Variants in DNAH5 observed in about 807,000 individuals in gnomAD.
The protein encoded by DNAH5 is dynein axonemal heavy chain 5.
Under a neutral mutation model 518.2 loss-of-function variants are expected in DNAH5, and 372 were observed. The ratio of observed to expected loss-of-function variants is 0.72; its 90% CI spans 0.66 to 0.78. The LOEUF is 0.78. DNAH5 is among the 30% of genes least tolerant of loss of function. DNAH5 has a pLI of 0.00. For synonymous variants in DNAH5, 2,039 were observed against 2,025.9 expected (o/e 1.01, Z -0.17); for missense variants, 5,523 against 5,687.0 (o/e 0.97, Z 0.93).
intron 78 of DNAH5, among the ~76,000 whole-genome samples, chr5:13,696,220 G>A (rs746684618): frequency 2.6e-5 from 4 of 152,148 alleles, no homozygotes; most frequent in Non-Finnish European, 4.4e-5. Context: ...TTCCAATCAC[G>A]GTTTTCCATC....
At chr5:13,725,600 T>C (rs1446864184) in intron 70 of DNAH5, among the ~76,000 whole-genome samples, 1 of 152,174 alleles carries the variant, frequency 6.6e-6, no homozygotes, top group East Asian at 1.9e-4. Context: ...AGATTCAGCC[T>C]TTCAATGGGG....
intron 15 of DNAH5, chr5:13,898,040 C>T (rs1774130495): frequency 6.6e-6 from 1 of 152,188 alleles, no homozygotes; most frequent in South Asian, 2.1e-4. Context: ...GTTCACAGTC[C>T]CACTGGAGTG....
chr5:13,830,298 G>T, intron 36 of DNAH5, 85 bp from the exon 37 acceptor site: 1 of 1,251,024 alleles, frequency 8.0e-7, no homozygotes. Flanking sequence ...CTGCTAAAAT[G>T]AGCCAGATGT....
chr5:13,752,324 C>A, intron 63 of DNAH5, 35 bp from the exon 64 acceptor site: 1 of 1,612,248 alleles, frequency 6.2e-7, no homozygotes, highest in Non-Finnish European at 8.5e-7. Flanking sequence ...TATTGGCAGA[C>A]ATTACCATGA....
intron 75 of DNAH5, 84 bp from the exon 76 acceptor site, chr5:13,708,419 G>T: frequency 8.0e-7 from 1 of 1,256,146 alleles, no homozygotes; most frequent in Non-Finnish European, 1.2e-6. Context: ...CTCTGAACAG[G>T]CCCAAATTCT....
chr5:13,865,739 G>C lies in DNAH5; in HGVS notation c.4284C>G (p.Ser1428Arg), dbSNP rs1769148524. The C allele has an allele frequency of 1.2e-6, 2 of 1,607,550 alleles. No homozygotes were observed. The highest frequency in any genetic ancestry group is 2.7e-5 in the African/African-American group (2 of 74,778). The change falls in exon 27 of 79, where the codon AGC becomes AGG. Residue 1428 changes from serine to arginine, a missense_variant. Ser to Arg is a moderately radical substitution (Grantham distance 110). This residue lies in a region of DNAH5 where 5,121 missense variants were observed against 5,223.3 expected (regional missense o/e 0.98). Transcript: ENST00000265104. ...CCTCTGACCAAAGAATATCATAATA[G>C]CTATTTACAGTTTCTATGACACTGT... is the stretch of plus-strand genomic sequence containing the variant. ...LYNSVIETVN[S>R]YYDILWSEVN...
At position 13,725,038 on chromosome 5, in the gene DNAH5, C is replaced by T. The variant is rs79740002; in HGVS notation, c.12033+2469G>A. On this transcript the variant is annotated intron_variant, in intron 70 of 78. Coordinates refer to ENST00000265104, the MANE Select transcript of DNAH5 (RefSeq NM_001369.3). ...CAGATATAAACCTTGGTCCATGACCCTCTCCTCTGTCCCAGGCAGTGCAAC... is the reference window on the plus strand; with the variant it reads ...CAGATATAAACCTTGGTCCATGACCTTCTCCTCTGTCCCAGGCAGTGCAAC... Among the ~76,000 whole-genome samples the T allele has an allele frequency of 6.6e-5, 10 of 152,320 alleles. No homozygotes were observed. The East Asian group carries it at 1.9e-3, about 29-fold the overall frequency.
chr5:13,971,824 T>C (rs1268584747), intron 1 of DNAH5, among the ~76,000 whole-genome samples: 1 of 152,058 alleles, frequency 6.6e-6, no homozygotes, highest in Non-Finnish European at 1.5e-5. Context: ...AAGCTTACTC[T>C]AGGGTCACCT....
chr5:13,800,913 G>A (rs1268898277), intron 47 of DNAH5, among the ~76,000 whole-genome samples: 1 of 151,996 alleles, frequency 6.6e-6, no homozygotes, highest in South Asian at 2.1e-4. Flanking sequence ...AAGGTAAGGA[G>A]GGAAGGCACC....
intron 1 of DNAH5, among the ~76,000 whole-genome samples, chr5:13,938,411 C>A (rs947106381): frequency 3.3e-5 from 5 of 151,972 alleles, no homozygotes; most frequent in African/African-American, 1.2e-4. Context: ...AGAGAAAGAC[C>A]ACATTCACAC....
intron 54 of DNAH5, among the ~76,000 whole-genome samples, 169 bp downstream of exon 54, chr5:13,777,033 G>A (rs1406612752): frequency 3.9e-5 from 6 of 151,972 alleles, no homozygotes; most frequent in African/African-American, 1.5e-4. Flanking sequence ...TTTTGATGGA[G>A]AGTTTTATTC....
chr5:13,912,469 T>C (rs140159190), intron 11 of DNAH5, among the ~76,000 whole-genome samples: 4 of 124,490 alleles, frequency 3.2e-5, no homozygotes, highest in African/African-American at 6.5e-5. Context: ...TGGAATGTTA[T>C]ATAAAATATA....
rs575017579 is a variant in DNAH5 at position 13,840,968 on chromosome 5, G to C, written c.5647C>G (p.Arg1883Gly). The C allele has an allele frequency of 1.5e-5, 24 of 1,613,912 alleles. No individual in the cohort carries two copies. The highest frequency in any genetic ancestry group is 2.0e-5 in the Non-Finnish European group (24 of 1,179,970). Residue 1883 changes from arginine to glycine, a missense_variant, in exon 34 of 79, where the codon CGA becomes GGA. Arg to Gly is a moderately radical substitution (Grantham distance 125, BLOSUM62 -2). Transcript: ENST00000265104. ...VTTRDLSSTE[R>G]VKYETLITIH... ...GTAATCAGAGTCTCGTATTTCACTC[G>C]TTCCGTGGAACTCAGATCCCTCGTG... is the stretch of plus-strand genomic sequence containing the variant.
At chr5:13,878,443 C>G (rs1771195739) in intron 21 of DNAH5, among the ~76,000 whole-genome samples, 1 of 152,184 alleles carries the variant, frequency 6.6e-6, no homozygotes, top group Non-Finnish European at 1.5e-5. Flanking sequence ...CTAGTGTCTA[C>G]TTGATGGCCT....
chr5:13,840,840 G>T, intron 34 of DNAH5, 66 bp downstream of exon 34: 2 of 1,294,342 alleles, frequency 1.5e-6, no homozygotes, highest in South Asian at 1.2e-5. Flanking sequence ...AGTTCTACTG[G>T]GTAAATGCAG....
intron 37 of DNAH5, 76 bp downstream of exon 37, chr5:13,829,950 G>A: frequency 2.9e-6 from 4 of 1,363,700 alleles, no homozygotes; most frequent in African/African-American, 1.4e-5. Context: ...GAAAACAGAT[G>A]ACATATGACC....
chr5:13,866,687 C>A (rs1430572612), intron 25 of DNAH5, among the ~76,000 whole-genome samples: 1 of 152,168 alleles, frequency 6.6e-6, no homozygotes, highest in African/African-American at 2.4e-5. Context: ...ACATTCCAAT[C>A]AGATTTTCCA....
At chr5:13,735,699 C>A (rs1169184679) in intron 67 of DNAH5, 119 bp downstream of exon 67, 12 of 885,374 alleles carry the variant, frequency 1.4e-5, no homozygotes, top group Non-Finnish European at 2.1e-5. Context: ...TTACACTGAT[C>A]TGAGATTTAA....
In DNAH5 at chr5:13,713,845, C is replaced by T. The variant is rs1900141; in HGVS notation, c.13125+560G>A. On this transcript the variant is annotated intron_variant, in intron 75 of 78. Coordinates refer to ENST00000265104, the MANE Select transcript of DNAH5 (RefSeq NM_001369.3). ...TACCCCAATAACTCATGAAAAAAAA[C>T]TTTTGAAAATTAATTCAATTTAAAA... Among the ~76,000 whole-genome samples, 1,413 of 151,908 alleles carry T rather than the reference C, an allele frequency of 9.3e-3. 23 individuals are homozygous for T. The highest frequency in any genetic ancestry group is 0.032 in the African/African-American group (1,329 of 41,416).
Sources: allele counts gnomAD v4.1 joint callset (sites outside exome capture counted in the v4.1 genomes callset), GRCh38; gene constraint gnomAD v4.1.1; regional missense constraint gnomAD v4.1.1; transcripts MANE v1.5; gene names NCBI Gene and HGNC (gene_info 2026-07-23, HGNC 2026-07-21).